UNC13B: variants seen among roughly 807,000 people sequenced by gnomAD.
UNC13B encodes protein unc-13 homolog B.
UNC13B carries 144 observed loss-of-function variants against 211.0 expected under a neutral mutation model. The observed-to-expected ratio is 0.68, with a 90% CI of 0.60 to 0.78. UNC13B has a LOEUF of 0.78. Among genes scored for constraint, UNC13B ranks in the 30% least tolerant of loss-of-function variants. UNC13B has a pLI of 0.00. For synonymous variants in UNC13B, 709 were observed against 725.8 expected (o/e 0.98, Z 0.37); for missense variants, 1,777 against 2,002.0 (o/e 0.89, Z 2.14).
At chr9:35,205,564 T>G (rs1412013579) in intron 1 of UNC13B, among the ~76,000 whole-genome samples, 2 of 152,192 alleles carry the variant, frequency 1.3e-5, no homozygotes, top group Admixed American at 1.3e-4. Context: ...CTAGGGAGGT[T>G]CCTCCAACTG....
At chr9:35,386,801 G>A (rs1324376563) in intron 24 of UNC13B, among the ~76,000 whole-genome samples, 1 of 152,162 alleles carries the variant, frequency 6.6e-6, no homozygotes, top group Admixed American at 6.5e-5. Context: ...CTATCCTTCT[G>A]TGAGGCTGAG....
At chr9:35,384,727 G>T (rs1835078829) in intron 22 of UNC13B, 3 of 985,286 alleles carry the variant, frequency 3.0e-6, no homozygotes, top group Non-Finnish European at 2.4e-6. Context: ...AGGGGACAGA[G>T]AGTAGCTTGG....
intron 11 of UNC13B, among the ~76,000 whole-genome samples, chr9:35,317,072 T>C (rs550432116): frequency 2.0e-5 from 3 of 152,292 alleles, no homozygotes; most frequent in Admixed American, 2.0e-4. Flanking sequence ...TATACATCTA[T>C]ATAATTTTTA....
rs1829709692 is a variant in UNC13B at position 35,302,034 on chromosome 9, A to C, written c.2630A>C (p.Glu877Ala). Reference protein sequence around the residue: ...RSLGHSEKQQELKEKGSIFPL... With the variant: ...RSLGHSEKQQALKEKGSIFPL... ...CTTGGTCATTCTGAAAAGCAACAGG[A>C]GTTAAAAGAGAAAGGAAGCATTTTT... is the stretch of plus-strand genomic sequence containing the variant. Residue 877 changes from glutamate (E) to alanine (A), a missense_variant, in exon 9 of 40, where the codon GAG becomes GCG. Physicochemically the swap from Glu to Ala is moderately radical, Grantham distance 107. Transcript: ENST00000635942. 1.0e-5 allele frequency: 4 copies of C among 398,794 alleles called. No homozygotes were observed. The allele number at this position is 398,794 out of a possible 1,614,324, so 24.7% of individuals were successfully genotyped here. A position where few individuals can be genotyped will look rare whatever the true frequency, so the allele number is the denominator to read the frequency against.
intron 1 of UNC13B, among the ~76,000 whole-genome samples, chr9:35,169,232 G>A (rs1328088045): frequency 6.6e-6 from 1 of 152,136 alleles, no homozygotes; most frequent in Non-Finnish European, 1.5e-5. Flanking sequence ...ACGCATGCCG[G>A]TAGTCTCAGC....
chr9:35,398,907 G>A lies in UNC13B; in HGVS notation c.11947G>A (p.Val3983Ile). 1.2e-6 allele frequency: 2 copies of A among 1,614,164 alleles called. No homozygotes were observed. Among genetic ancestry groups the A allele is most frequent in the Non-Finnish European group, 1.7e-6 (2 of 1,180,012 alleles). Residue 3983 changes from valine (V) to isoleucine (I), a missense_variant, in exon 33 of 40, where the codon GTT becomes ATT. Coordinates refer to ENST00000635942, the MANE Select transcript of UNC13B (RefSeq NM_001371189.2). Reference protein sequence around the residue: ...NSFQVRIDECVRQMADILGQV... With the variant: ...NSFQVRIDECIRQMADILGQV... Reference sequence around the variant, plus strand: ...TTTCCAGGTACGGATTGATGAGTGTGTTCGACAAATGGCCGACATCCTGGG... The same window carrying A: ...TTTCCAGGTACGGATTGATGAGTGTATTCGACAAATGGCCGACATCCTGGG...
intron 11 of UNC13B, chr9:35,352,010 G>A: frequency 1.6e-6 from 2 of 1,232,228 alleles, no homozygotes; most frequent in South Asian, 4.1e-5. Flanking sequence ...TGAGATTGCT[G>A]AGCTGCAGCA....
At chr9:35,396,341 GA>G in intron 26 of UNC13B, 134 bp from the exon 27 acceptor site, 1 of 1,084,556 alleles carries the variant, frequency 9.2e-7, no homozygotes, top group Non-Finnish European at 1.3e-6. Context: ...AGATGGCTGT[GA>G]GAAGGAGGTT....
In UNC13B at chr9:35,385,776, TG is replaced by T; in HGVS notation, c.10930del (p.Asp3644IlefsTer3). The part of the protein sequence containing the change: ...PERLQDLKST[V>X]DLLTSITFFR... ...CGGCTTCAGGACTTAAAATCCACAGTGGATTTGCTGACCAGCATTACTTTCT... is the reference window on the plus strand; with the variant it reads ...CGGCTTCAGGACTTAAAATCCACAGTGATTTGCTGACCAGCATTACTTTCT... On this transcript the variant is annotated frameshift_variant, in exon 23 of 40. Transcript: ENST00000635942. LOFTEE classifies it high-confidence loss of function. The T allele has an allele frequency of 6.2e-7, 1 of 1,609,788 alleles. No homozygotes were observed. The highest frequency in any genetic ancestry group is 8.5e-7 in the Non-Finnish European group (1 of 1,176,410).
Position 35,384,676 on chromosome 9 carries a change from A to G in UNC13B, c.10875+362A>G, listed in dbSNP as rs75794080. The stretch of plus-strand genomic sequence containing the variant: ...TTACATTTCTTTTTTGCATTTTTCC[A>G]TACTCTCCTCGTTTTCCAGCGGAGG... On this transcript the variant is annotated intron_variant, in intron 22 of 39. Transcript: ENST00000635942. 6.7e-3 allele frequency: 6,562 copies of G among 985,324 alleles called. 346 individuals are homozygous for G. The African/African-American group carries it at 0.11, about 16-fold the overall frequency. The allele number at this position is 985,324 out of a possible 1,614,324, so 61.0% of individuals were successfully genotyped here. A position where few individuals can be genotyped will look rare whatever the true frequency, so the allele number is the denominator to read the frequency against.
At position 35,162,081 on chromosome 9, in the gene UNC13B, C is replaced by G. The variant is rs1434207597; in HGVS notation, c.-203C>G. On this transcript the variant is annotated 5_prime_UTR_variant, in exon 1 of 40. Transcript: ENST00000635942. Reference sequence around the variant, plus strand: ...CCAGTCCCCAGCCTGCCGGCCGGTACTCACCGCTACCCGGAGTTCGCTCAG... The same window carrying G: ...CCAGTCCCCAGCCTGCCGGCCGGTAGTCACCGCTACCCGGAGTTCGCTCAG... 5 of 737,178 alleles carry G rather than the reference C, an allele frequency of 6.8e-6. No individual in the cohort carries two copies. The highest frequency in any genetic ancestry group is 1.1e-5 in the Non-Finnish European group (5 of 458,108). 45.7% of individuals were successfully genotyped at this position (737,178 alleles called of 1,614,324 possible).
intron 7 of UNC13B, among the ~76,000 whole-genome samples, chr9:35,279,401 T>C (rs562801347): frequency 5.3e-4 from 81 of 152,338 alleles, no homozygotes; most frequent in African/African-American, 1.9e-3. Context: ...TGAATACTAA[T>C]TCATTGTACA....
At chr9:35,378,208 G>T in intron 16 of UNC13B, 87 bp from the exon 17 acceptor site, 1 of 1,546,322 alleles carries the variant, frequency 6.5e-7, no homozygotes, top group South Asian at 1.2e-5. Flanking sequence ...AAGGAGCATA[G>T]ACTGCTCTAA....
At chr9:35,185,440 AG>A in intron 1 of UNC13B, among the ~76,000 whole-genome samples, 1 of 152,314 alleles carries the variant, frequency 6.6e-6, no homozygotes, top group Middle Eastern at 3.4e-3. Flanking sequence ...TATGTCTTGC[AG>A]GACAGTTCTC....
intron 24 of UNC13B, among the ~76,000 whole-genome samples, chr9:35,388,973 T>TA (rs774676570): frequency 1.2e-4 from 19 of 152,314 alleles, no homozygotes; most frequent in Middle Eastern, 3.4e-3. Context: ...GTATTTAAGT[T>TA]ATATTAAAGA....
chr9:35,172,342 C>G (rs1821377762), intron 1 of UNC13B, among the ~76,000 whole-genome samples: 1 of 152,138 alleles, frequency 6.6e-6, no homozygotes, highest in Non-Finnish European at 1.5e-5. Flanking sequence ...TCTCTTCTGG[C>G]TATTTGGAAA....
At chr9:35,244,653 G>C (rs1825986000) in intron 6 of UNC13B, among the ~76,000 whole-genome samples, 1 of 152,064 alleles carries the variant, frequency 6.6e-6, no homozygotes, top group Non-Finnish European at 1.5e-5. Context: ...CTGTGTGTCT[G>C]TCTGTGTCTT....
intron 6 of UNC13B, among the ~76,000 whole-genome samples, chr9:35,247,144 G>C (rs1430528155): frequency 1.3e-5 from 2 of 151,962 alleles, no homozygotes; most frequent in Non-Finnish European, 2.9e-5. Context: ...TCATGATTTG[G>C]CTCTCTGTTT....
intron 7 of UNC13B, 33 bp from the exon 8 acceptor site, chr9:35,295,663 G>A: frequency 6.3e-7 from 1 of 1,584,842 alleles, no homozygotes; most frequent in South Asian, 1.1e-5. Context: ...AAATAAAGCT[G>A]GGGTGCTTTG....
Sources: allele counts gnomAD v4.1 joint callset (sites outside exome capture counted in the v4.1 genomes callset), GRCh38; gene constraint gnomAD v4.1.1; transcripts MANE v1.5; gene names NCBI Gene and HGNC (gene_info 2026-07-23, HGNC 2026-07-21).